CDKL3: variants seen among roughly 807,000 people sequenced by gnomAD.
The protein encoded by CDKL3 is cyclin-dependent kinase-like 3.
In CDKL3, 65 loss-of-function variants were observed where a neutral mutation model predicts 69.3. That is an observed-to-expected ratio of 0.94 (90% CI 0.77 to 1.15). The LOEUF (loss-of-function observed/expected upper bound fraction) is 1.15. Among genes scored for constraint, CDKL3 ranks in the 50% most tolerant of loss-of-function variants. CDKL3 has a pLI of 0.00. For synonymous variants in CDKL3, 202 were observed against 221.6 expected (o/e 0.91, Z 0.79); for missense variants, 652 against 689.2 (o/e 0.95, Z 0.61).
chr5:134,365,231 C>T (rs1432332951), intron 2 of CDKL3, among the ~76,000 whole-genome samples: 1 of 152,132 alleles, frequency 6.6e-6, no homozygotes, highest in African/African-American at 2.4e-5. Context: ...GATCCACCCG[C>T]CTCAGCCTCC....
At chr5:134,322,854 C>T (rs1466349838) in intron 4 of CDKL3, among the ~76,000 whole-genome samples, 1 of 152,022 alleles carries the variant, frequency 6.6e-6, no homozygotes, top group Non-Finnish European at 1.5e-5. Flanking sequence ...TGGCACATGC[C>T]TGTAATCCCA....
At chr5:134,296,687 C>G (rs1466617651), downstream of CDKL3, among the ~76,000 whole-genome samples, 1 of 151,902 alleles carries the variant, frequency 6.6e-6, no homozygotes, top group African/African-American at 2.4e-5. Context: ...CTGGCTCATG[C>G]TTGTAATCCC....
At chr5:134,359,585 T>C (rs1445612405) in intron 3 of CDKL3, among the ~76,000 whole-genome samples, 1 of 152,074 alleles carries the variant, frequency 6.6e-6, no homozygotes, top group East Asian at 1.9e-4. Flanking sequence ...AGACCTGACT[T>C]TCAATGTTTT....
intron 6 of CDKL3, 81 bp downstream of exon 6, chr5:134,319,277 C>T: frequency 9.3e-7 from 1 of 1,076,818 alleles, no homozygotes; most frequent in Non-Finnish European, 1.3e-6. Context: ...TTGCAGTGAG[C>T]CGAGATCACT....
At chr5:134,338,453 G>A (rs968825888) in intron 4 of CDKL3, among the ~76,000 whole-genome samples, 5 of 152,140 alleles carry the variant, frequency 3.3e-5, no homozygotes, top group African/African-American at 1.2e-4. Context: ...ACTTTGGGAG[G>A]CTGAGGCAGG....
intron 1 of CDKL3, 145 bp from the exon 2 acceptor site, chr5:134,366,689 CT>C: frequency 1.4e-6 from 1 of 696,704 alleles, no homozygotes; most frequent in South Asian, 2.3e-5. Context: ...TCCACTGAGC[CT>C]TTTTGTCTTT....
intron 4 of CDKL3, among the ~76,000 whole-genome samples, chr5:134,343,959 T>C (rs1751176550): frequency 6.6e-6 from 1 of 152,214 alleles, no homozygotes. Context: ...CGGCTCTGTC[T>C]AGGCAGCGGG....
At chr5:134,315,611 T>C (rs1260136761) in intron 6 of CDKL3, among the ~76,000 whole-genome samples, 2 of 152,104 alleles carry the variant, frequency 1.3e-5, no homozygotes, top group East Asian at 1.9e-4. Context: ...TGGGATTACA[T>C]GCATAAGCCA....
chr5:134,371,300 G>A, upstream of CDKL3: 3 of 533,856 alleles, frequency 5.6e-6, no homozygotes, highest in Non-Finnish European at 1.0e-5. Context: ...ACACAAATTT[G>A]TCTATTACTT....
upstream of CDKL3, chr5:134,371,441 G>GGAGACGTCGGAA: frequency 1.0e-6 from 1 of 956,322 alleles, no homozygotes; most frequent in Non-Finnish European, 1.6e-6. Context: ...AGGCGGCGGA[G>GGAGACGTCGGAA]GGAGACGTCA....
chr5:134,299,566 C>T (rs1207118202), intron 12 of CDKL3: 2 of 1,256,646 alleles, frequency 1.6e-6, no homozygotes, highest in African/African-American at 3.0e-5. Flanking sequence ...GTACATATAA[C>T]TAACAGGATT....
At chr5:134,304,665 C>G (rs969241162) in intron 10 of CDKL3, 98 bp from the exon 11 acceptor site, 1 of 817,230 alleles carries the variant, frequency 1.2e-6, no homozygotes. Context: ...ATAAGATAGA[C>G]ATAACAATTA....
rs1333110740 is a variant in CDKL3 at position 134,367,128 on chromosome 5, G to A, written c.-173C>T. ...TTGTTGCTCAGCCCCGCAAGGAACC[G>A]GCCACTTGCCACCATGGAAACGCCG... On this transcript the variant is annotated 5_prime_UTR_variant, in exon 1 of 13. Coordinates refer to ENST00000265334, the MANE Select transcript of CDKL3 (RefSeq NM_001113575.2). The A allele has an allele frequency of 3.0e-6, 3 of 985,620 alleles. No individual in the cohort carries two copies. The highest frequency in any genetic ancestry group is 1.1e-4 in the East Asian group (1 of 8,828). 61.1% of individuals were successfully genotyped at this position (985,620 alleles called of 1,614,324 possible). A position where few individuals can be genotyped will look rare whatever the true frequency, so the allele number is the denominator to read the frequency against.
Position 134,304,419 on chromosome 5 carries a change from G to GT in CDKL3, c.1606dup (p.Thr536AsnfsTer7). ...CAAATGTGTACCTTCCATTCCTTTT[G>GT]TATCTTTTGACTGTATTGTGACAGG... On this transcript the variant is annotated frameshift_variant, in exon 11 of 13. Transcript: ENST00000265334. LOFTEE classifies it high-confidence loss of function. The GT allele has an allele frequency of 6.2e-7, 1 of 1,609,584 alleles. No individual in the cohort carries two copies. The highest frequency in any genetic ancestry group is 8.5e-7 in the Non-Finnish European group (1 of 1,178,094).
At chr5:134,292,580 GAAGA>G (rs927145006) in intron 8 of CDKL3, among the ~76,000 whole-genome samples, 6 of 151,564 alleles carry the variant, frequency 4.0e-5, no homozygotes, top group Non-Finnish European at 8.8e-5. Flanking sequence ...TAAATAGAAA[GAAGA>G]AATAATAAAT....
chr5:134,305,951 G>A (rs893562866), intron 10 of CDKL3, among the ~76,000 whole-genome samples: 52 of 151,946 alleles, frequency 3.4e-4, no homozygotes, highest in Admixed American at 2.7e-3. Flanking sequence ...TTTGGCAATT[G>A]TTTTTAATCC....
intron 4 of CDKL3, among the ~76,000 whole-genome samples, chr5:134,326,204 C>T (rs1379182244): frequency 1.3e-5 from 2 of 152,120 alleles, no homozygotes; most frequent in African/African-American, 4.8e-5. Flanking sequence ...TGAAATTTCA[C>T]AGTACAATTT....
At chr5:134,285,750 T>G (rs1263513061), downstream of CDKL3, among the ~76,000 whole-genome samples, 3 of 152,250 alleles carry the variant, frequency 2.0e-5, no homozygotes, top group African/African-American at 7.2e-5. Flanking sequence ...TTTTCTGAAC[T>G]TTTATGCTTT....
chr5:134,290,352 TC>T (rs1414934804), intron 8 of CDKL3, among the ~76,000 whole-genome samples: 1 of 46,926 alleles, frequency 2.1e-5, no homozygotes, highest in African/African-American at 9.5e-5. Flanking sequence ...AGACTCTGTC[TC>T]AAAAAAAAAA....
Sources: gnomAD v4.1 joint callset for allele counts (sites outside exome capture counted in the v4.1 genomes callset) on GRCh38, gnomAD v4.1.1 for gene constraint, MANE v1.5 for transcripts, NCBI Gene and HGNC (gene_info 2026-07-23, HGNC 2026-07-21) for gene names.